The following ATRNL1 variants were observed in gnomAD, a reference collection of about 807,000 sequenced individuals.
ATRNL1 encodes the protein attractin like 1, also known as attractin-like protein 1.
Under a neutral mutation model 182.7 loss-of-function variants are expected in ATRNL1, and 95 were observed. The ratio of observed to expected loss-of-function variants is 0.52; its 90% CI spans 0.44 to 0.62. ATRNL1 has a LOEUF of 0.62. Ranked by LOEUF, ATRNL1 falls within the 20% of genes least tolerant of loss-of-function variation. The probability of loss-of-function intolerance (pLI) is 0.00; values close to 1 mark genes in which losing one functional copy is unlikely to be tolerated. For synonymous variants in ATRNL1, 576 were observed against 568.3 expected, an observed-to-expected ratio of 1.01 and a Z score of -0.19; for missense variants, 1,471 against 1,679.5, an observed-to-expected ratio of 0.88 and a Z score of 2.17.
intron 27 of ATRNL1, among the ~76,000 whole-genome samples, chr10:115,729,026 G>A (rs1555061685): frequency 6.6e-6 from 1 of 151,312 alleles, no homozygotes; most frequent in African/African-American, 2.4e-5. Context: ...CGAGTAACAA[G>A]AGAAAAAAAA....
intron 20 of ATRNL1, among the ~76,000 whole-genome samples, chr10:115,413,803 A>G (rs1195216309): frequency 6.6e-6 from 1 of 152,104 alleles, no homozygotes; most frequent in African/African-American, 2.4e-5. Flanking sequence ...GTAATGGAAT[A>G]TCATATTAGA....
At chr10:115,297,424 A>C (rs1554923014) in intron 15 of ATRNL1, among the ~76,000 whole-genome samples, 1 of 151,868 alleles carries the variant, frequency 6.6e-6, no homozygotes, top group Non-Finnish European at 1.5e-5. Context: ...GGCCGATCAC[A>C]AGGTCAGGAG....
chr10:115,820,297 T>C (rs1230889920), intron 27 of ATRNL1: 2 of 152,162 alleles, frequency 1.3e-5, no homozygotes, highest in African/African-American at 4.8e-5. Context: ...TACTGATTAG[T>C]AAGTTTCTGT....
Position 115,589,229 on chromosome 10 carries a change from T to C in ATRNL1, c.3795+39693T>C, listed in dbSNP as rs185381441. 2.6e-5 allele frequency among the ~76,000 whole-genome samples: 4 copies of C among 152,330 alleles called. No homozygotes were observed. In the East Asian group the frequency reaches 7.7e-4, roughly 29 times the overall value. On this transcript the variant is annotated intron_variant, in intron 26 of 28. Coordinates refer to ENST00000355044, the MANE Select transcript of ATRNL1 (RefSeq NM_207303.4). ...ACTTATGATCTGTAAAACATTAACT[T>C]CTGCCAGTAATTCCAGAGAATTATG...
chr10:115,511,533 TATATC>T (rs1237077151), intron 24 of ATRNL1, among the ~76,000 whole-genome samples: 7 of 151,864 alleles, frequency 4.6e-5, no homozygotes, highest in Non-Finnish European at 1.0e-4. Flanking sequence ...TCTGAAATAT[TATATC>T]AGAGTTTATT....
intron 26 of ATRNL1, among the ~76,000 whole-genome samples, chr10:115,643,250 G>T (rs549488638): frequency 6.6e-6 from 1 of 152,098 alleles, no homozygotes; most frequent in Non-Finnish European, 1.5e-5. Context: ...AACAAATAGT[G>T]CTGGAACAAT....
intron 8 of ATRNL1, among the ~76,000 whole-genome samples, chr10:115,209,837 G>A (rs543765183): frequency 3.9e-5 from 6 of 152,100 alleles, no homozygotes; most frequent in Non-Finnish European, 7.4e-5. Flanking sequence ...TAATGAGAAT[G>A]TGACTCAAAT....
intron 24 of ATRNL1, among the ~76,000 whole-genome samples, chr10:115,509,207 A>G (rs117909353): frequency 6.6e-6 from 1 of 152,188 alleles, no homozygotes; most frequent in East Asian, 1.9e-4. Flanking sequence ...TAGAAAAAAA[A>G]GACTTCTTTC....
At chr10:115,146,349 A>G (rs1312446209) in intron 5 of ATRNL1, among the ~76,000 whole-genome samples, 1 of 152,100 alleles carries the variant, frequency 6.6e-6, no homozygotes, top group Non-Finnish European at 1.5e-5. Flanking sequence ...TTTTATTGAT[A>G]CATAATATTT....
intron 27 of ATRNL1, among the ~76,000 whole-genome samples, chr10:115,843,287 G>C (rs530869774): frequency 6.6e-6 from 1 of 152,212 alleles, no homozygotes; most frequent in African/African-American, 2.4e-5. Flanking sequence ...ATTTCAAAGA[G>C]AGGAAGTGAG....
intron 26 of ATRNL1, among the ~76,000 whole-genome samples, chr10:115,656,476 C>T (rs1297101234): frequency 6.6e-6 from 1 of 152,026 alleles, no homozygotes; most frequent in Non-Finnish European, 1.5e-5. Context: ...TCTAAATGAT[C>T]CCAATCTGAG....
At chr10:115,793,023 T>C (rs1949566784) in intron 27 of ATRNL1, among the ~76,000 whole-genome samples, 1 of 152,012 alleles carries the variant, frequency 6.6e-6, no homozygotes, top group African/African-American at 2.4e-5. Flanking sequence ...ATTTTTTCCA[T>C]ATAAGTAGTA....
intron 13 of ATRNL1, among the ~76,000 whole-genome samples, chr10:115,277,059 A>G (rs546365151): frequency 6.6e-6 from 1 of 152,104 alleles, no homozygotes; most frequent in Admixed American, 6.5e-5. Context: ...ACTTCAGGTA[A>G]ATTTAATTAT....
intron 24 of ATRNL1, among the ~76,000 whole-genome samples, chr10:115,513,522 A>G (rs1554983176): frequency 6.6e-6 from 1 of 151,960 alleles, no homozygotes; most frequent in Non-Finnish European, 1.5e-5. Flanking sequence ...AGTACCTGGT[A>G]CAATGCCCAG....
At chr10:115,499,309 T>G (rs566965605) in intron 24 of ATRNL1, among the ~76,000 whole-genome samples, 1 of 152,356 alleles carries the variant, frequency 6.6e-6, no homozygotes, top group South Asian at 2.1e-4. Flanking sequence ...CTACATATTT[T>G]AACTGGTATA....
chr10:115,550,778 G>A (rs1037266686), intron 26 of ATRNL1, among the ~76,000 whole-genome samples: 8 of 151,828 alleles, frequency 5.3e-5, no homozygotes, highest in Non-Finnish European at 1.0e-4. Context: ...ATAGATTCAG[G>A]AAGGAAAAAT....
At chr10:115,699,970 T>G (rs1946680570) in intron 26 of ATRNL1, among the ~76,000 whole-genome samples, 1 of 152,126 alleles carries the variant, frequency 6.6e-6, no homozygotes, top group Non-Finnish European at 1.5e-5. Context: ...TTAATTTGCT[T>G]AGGATAACGG....
chr10:115,681,876 A>G (rs1555044841), intron 26 of ATRNL1, among the ~76,000 whole-genome samples: 1 of 152,190 alleles, frequency 6.6e-6, no homozygotes, highest in African/African-American at 2.4e-5. Flanking sequence ...CTGTGTAAGG[A>G]GAAAGGTGAC....
intron 26 of ATRNL1, among the ~76,000 whole-genome samples, chr10:115,699,593 T>A (rs1946669170): frequency 6.6e-6 from 1 of 152,128 alleles, no homozygotes; most frequent in African/African-American, 2.4e-5. Context: ...GTTAGAAACA[T>A]AAGCTGAAGT....
Sources: gnomAD v4.1 joint callset for allele counts (sites outside exome capture counted in the v4.1 genomes callset) on GRCh38, gnomAD v4.1.1 for gene constraint, MANE v1.5 for transcripts, NCBI Gene and HGNC (gene_info 2026-07-23, HGNC 2026-07-21) for gene names.